WTIP: variants seen among roughly 807,000 people sequenced by gnomAD.
The protein encoded by WTIP is WT1 interacting protein.
In WTIP, 23 loss-of-function variants were observed where a neutral mutation model predicts 41.7. The observed-to-expected ratio is 0.55, with a 90% CI of 0.40 to 0.78. WTIP has a LOEUF of 0.78. Among genes scored for constraint, WTIP ranks in the 30% least tolerant of loss-of-function variants. The probability of loss-of-function intolerance (pLI) is 0.00; values close to 1 mark genes in which losing one functional copy is unlikely to be tolerated. For synonymous variants in WTIP, 314 were observed against 269.9 expected (o/e 1.16, Z -1.60); for missense variants, 619 against 610.5 (o/e 1.01, Z -0.15).
rs537421582 is a variant in WTIP at position 34,501,641 on chromosome 19, G to A, written c.*1372G>A. 6.6e-6 allele frequency: 1 copy of A among 152,452 alleles called. No homozygotes were observed. Among genetic ancestry groups the A allele is most frequent in the East Asian group, 1.9e-4 (1 of 5,192 alleles). 9.4% of individuals were successfully genotyped at this position (152,452 alleles called of 1,614,324 possible). ...GGGCTAGGCTCCGGGAACCAGCAGGGCTGTCCAGGCCGAGCCCAAGGGAAC... is the reference window on the plus strand; with the variant it reads ...GGGCTAGGCTCCGGGAACCAGCAGGACTGTCCAGGCCGAGCCCAAGGGAAC... On this transcript the variant is annotated 3_prime_UTR_variant, in exon 8 of 8. Transcript: ENST00000590071.
rs773284163 is a variant in WTIP at position 34,482,552 on chromosome 19, G to A, written c.578G>A (p.Gly193Asp). 4 of 1,228,386 alleles carry A rather than the reference G, an allele frequency of 3.3e-6. No homozygotes were observed. The African/African-American group carries it at 6.3e-5, about 19-fold the overall frequency. 76.1% of individuals were successfully genotyped at this position (1,228,386 alleles called of 1,614,324 possible). ...CTCCCGCTGCCCCCTGGCCGGGAGG[G>A]CGGCCCAAGCGCGGCCGAGCGGCGG... Reference protein sequence around the residue: ...PALPLPPGREGGPSAAERRLE... With the variant: ...PALPLPPGREDGPSAAERRLE... Residue 193 changes from glycine to aspartate, a missense_variant, in exon 1 of 8, where the codon GGC becomes GAC. Physicochemically the swap from Gly to Asp is moderately conservative, Grantham distance 94 (BLOSUM62 -1). Coordinates refer to ENST00000590071, the MANE Select transcript of WTIP (RefSeq NM_001080436.2).
rs2075910915 is a variant in WTIP at position 34,506,262 on chromosome 19, C to T, written c.*5993C>T. 6.6e-6 allele frequency: 1 copy of T among 152,160 alleles called. No individual in the cohort carries two copies. Among genetic ancestry groups the T allele is most frequent in the South Asian group, 2.1e-4 (1 of 4,826 alleles). The allele number at this position is 152,160 out of a possible 1,614,324, so 9.4% of individuals were successfully genotyped here. A position where few individuals can be genotyped will look rare whatever the true frequency, so the allele number is the denominator to read the frequency against. ...ATGGGAAGCTCTGTCCCTGAACAGC[C>T]CTTGTGACTATGGGGCTGTCCTTCC... is the stretch of plus-strand genomic sequence containing the variant. On this transcript the variant is annotated 3_prime_UTR_variant, in exon 8 of 8. Transcript: ENST00000590071.
chr19:34,485,904 T>TC (rs1387813191), intron 1 of WTIP, among the ~76,000 whole-genome samples: 12 of 152,124 alleles, frequency 7.9e-5, no homozygotes, highest in African/African-American at 2.9e-4. Context: ...GAGCTTTTTT[T>TC]CTCTCTGTCC....
intron 7 of WTIP, among the ~76,000 whole-genome samples, chr19:34,497,927 C>T (rs999807236): frequency 2.6e-5 from 4 of 152,206 alleles, no homozygotes; most frequent in African/African-American, 9.7e-5. Flanking sequence ...AAAAGGTTGA[C>T]GCTGAGAGTG....
At position 34,500,247 on chromosome 19, in the gene WTIP, C is replaced by G; in HGVS notation, c.1271C>G (p.Thr424Ser). 6.2e-7 allele frequency: 1 copy of G among 1,608,498 alleles called. No homozygotes were observed. Among genetic ancestry groups the G allele is most frequent in the South Asian group, 1.1e-5 (1 of 90,624 alleles). ...RLQPGPLPSPTVHVTEL is the reference protein window; with the variant it reads ...RLQPGPLPSPSVHVTEL ...CAACCTGGGCCTCTTCCCTCACCCACTGTGCACGTCACTGAGCTCTGAGCA... is the reference window on the plus strand; with the variant it reads ...CAACCTGGGCCTCTTCCCTCACCCAGTGTGCACGTCACTGAGCTCTGAGCA... The change falls in exon 8 of 8, where the codon ACT becomes AGT. Residue 424 changes from threonine to serine, a missense_variant. Thr to Ser is a moderately conservative substitution (Grantham distance 58). This residue lies in a region of WTIP where 92 missense variants were observed against 82.4 expected (regional missense o/e 1.12). Transcript: ENST00000590071.
rs2075908007 is a variant in WTIP, at chr19:34,505,604, CT to C, written c.*5336del. The stretch of plus-strand genomic sequence containing the variant: ...CACCCAGCGCACACTCCTCTCCACG[CT>C]GCGCACGTGAACCCGCCCGGGTCAC... On this transcript the variant is annotated 3_prime_UTR_variant, in exon 8 of 8. Transcript: ENST00000590071. 1 of 152,578 alleles carries C rather than the reference CT, an allele frequency of 6.6e-6. No homozygotes were observed. Among genetic ancestry groups the C allele is most frequent in the East Asian group, 1.9e-4 (1 of 5,184 alleles). 9.5% of individuals were successfully genotyped at this position (152,578 alleles called of 1,614,324 possible). A position where few individuals can be genotyped will look rare whatever the true frequency, so the allele number is the denominator to read the frequency against.
At chr19:34,500,042 C>T in intron 7 of WTIP, 87 bp from the exon 8 acceptor site, 2 of 1,530,836 alleles carry the variant, frequency 1.3e-6, no homozygotes, top group Non-Finnish European at 1.8e-6. Flanking sequence ...GCAGATCTGC[C>T]CCTCCCCTCC....
chr19:34,482,196 G>A lies in WTIP; in HGVS notation c.222G>A (p.Arg74=). 9.0e-7 allele frequency: 1 copy of A among 1,112,092 alleles called. No homozygotes were observed. The highest frequency in any genetic ancestry group is 1.1e-6 in the Non-Finnish European group (1 of 913,928). The allele number at this position is 1,112,092 out of a possible 1,614,324, so 68.9% of individuals were successfully genotyped here. A position where few individuals can be genotyped will look rare whatever the true frequency, so the allele number is the denominator to read the frequency against. The change falls in exon 1 of 8, where the codon CGG becomes CGA. Residue 74 remains arginine, a synonymous_variant. Coordinates refer to ENST00000590071, the MANE Select transcript of WTIP (RefSeq NM_001080436.2). ...DGLSRGERGP[R]RAAVPELSAQ... is the part of the protein sequence containing the mutation. The stretch of plus-strand genomic sequence containing the variant: ...TGAGCCGCGGGGAGCGGGGTCCCCG[G>A]CGCGCGGCGGTTCCGGAGCTCAGCG...
At position 34,482,158 on chromosome 19, in the gene WTIP, G is replaced by C; in HGVS notation, c.184G>C (p.Gly62Arg). Reference sequence around the variant, plus strand: ...GAAGGGCAGCGGCGGCCCCGAGGCCGGGGCGGACGGACTGAGCCGCGGGGA... The same window carrying C: ...GAAGGGCAGCGGCGGCCCCGAGGCCCGGGCGGACGGACTGAGCCGCGGGGA... Reference protein sequence around the residue: ...RGKGSGGPEAGADGLSRGERG... With the variant: ...RGKGSGGPEARADGLSRGERG... Residue 62 changes from glycine (G) to arginine (R), a missense_variant, in exon 1 of 8, where the codon GGG becomes CGG. Coordinates refer to ENST00000590071, the MANE Select transcript of WTIP (RefSeq NM_001080436.2). 1.9e-6 allele frequency: 2 copies of C among 1,074,756 alleles called. No homozygotes were observed. The highest frequency in any genetic ancestry group is 2.2e-6 in the Non-Finnish European group (2 of 889,506). 66.6% of individuals were successfully genotyped at this position (1,074,756 alleles called of 1,614,324 possible). A position where few individuals can be genotyped will look rare whatever the true frequency, so the allele number is the denominator to read the frequency against.
Position 34,500,226 on chromosome 19 carries a change from C to T in WTIP, c.1250C>T (p.Pro417Leu). 1 of 1,608,128 alleles carries T rather than the reference C, an allele frequency of 6.2e-7. No homozygotes were observed. The highest frequency in any genetic ancestry group is 8.5e-7 in the Non-Finnish European group (1 of 1,179,506). ...CRRCHLRRLQ[P>L]GPLPSPTVHV... ...CGTTGCCACCTGCGGCGCCTCCAACCTGGGCCTCTTCCCTCACCCACTGTG... is the reference window on the plus strand; with the variant it reads ...CGTTGCCACCTGCGGCGCCTCCAACTTGGGCCTCTTCCCTCACCCACTGTG... Residue 417 changes from proline to leucine, a missense_variant, in exon 8 of 8, where the codon CCT becomes CTT. By Grantham distance (98) the Pro-to-Leu change is moderately conservative. This residue lies in a region of WTIP where 92 missense variants were observed against 82.4 expected (regional missense o/e 1.12). Transcript: ENST00000590071.
In WTIP at chr19:34,505,990, G is replaced by A. The variant is rs1462404993; in HGVS notation, c.*5721G>A. 6.6e-6 allele frequency: 1 copy of A among 152,282 alleles called. No homozygotes were observed. The highest frequency in any genetic ancestry group is 2.4e-5 in the African/African-American group (1 of 41,448). The allele number at this position is 152,282 out of a possible 1,614,324, so 9.4% of individuals were successfully genotyped here. On this transcript the variant is annotated 3_prime_UTR_variant, in exon 8 of 8. Coordinates refer to ENST00000590071, the MANE Select transcript of WTIP (RefSeq NM_001080436.2). ...ACCTTCCTGAGCTGCGTGGATCTCA[G>A]CCAGGACTTCTCGTCCCTGAGAACA...
chr19:34,493,313 C>T lies in WTIP; in HGVS notation c.888C>T (p.Leu296=). ...ACAAATGCAGCGTGTGTGGACATCT[C>T]ATCATGGAAATGGTGAGCCCCTGCC... The part of the protein sequence containing the change: ...TADKCSVCGH[L]IMEMILQALG... The change falls in exon 4 of 8, where the codon CTC becomes CTT. Residue 296 remains leucine, a synonymous_variant. Coordinates refer to ENST00000590071, the MANE Select transcript of WTIP (RefSeq NM_001080436.2). The surrounding 1 kb of genome is among the most constrained non-coding windows in gnomAD (Gnocchi z 4.1). The T allele has an allele frequency of 6.2e-7, 1 of 1,613,108 alleles. No homozygotes were observed. The highest frequency in any genetic ancestry group is 8.5e-7 in the Non-Finnish European group (1 of 1,179,636).
chr19:34,490,844 C>CA (rs2075822030), intron 2 of WTIP, among the ~76,000 whole-genome samples: 1 of 152,194 alleles, frequency 6.6e-6, no homozygotes, highest in South Asian at 2.1e-4. Context: ...GTTGTTGAGA[C>CA]AGAGTCTTAA....
At position 34,482,425 on chromosome 19, in the gene WTIP, G is replaced by T; in HGVS notation, c.451G>T (p.Gly151Cys). The T allele has an allele frequency of 5.9e-6, 8 of 1,346,258 alleles. No homozygotes were observed. The highest frequency in any genetic ancestry group is 7.6e-6 in the Non-Finnish European group (8 of 1,047,888). The allele number at this position is 1,346,258 out of a possible 1,614,324, so 83.4% of individuals were successfully genotyped here. Residue 151 changes from glycine to cysteine, a missense_variant, in exon 1 of 8, where the codon GGC (glycine) becomes TGC (cysteine). This residue lies in a region of WTIP where 363 missense variants were observed against 309.0 expected (regional missense o/e 1.17). Transcript: ENST00000590071. Reference protein sequence around the residue: ...RSSVSSLGSRGSAGAYADFLP... With the variant: ...RSSVSSLGSRCSAGAYADFLP... Reference sequence around the variant, plus strand: ...CAGCGTTTCCAGCCTCGGCTCCCGGGGCTCGGCCGGCGCCTACGCTGACTT... The same window carrying T: ...CAGCGTTTCCAGCCTCGGCTCCCGGTGCTCGGCCGGCGCCTACGCTGACTT...
intron 1 of WTIP, among the ~76,000 whole-genome samples, chr19:34,488,649 G>T (rs1230936514): frequency 6.6e-6 from 1 of 151,880 alleles, no homozygotes. Context: ...TTACAGGCAT[G>T]AGCCACTGCA....
In WTIP at chr19:34,489,323, G is replaced by A. The variant is rs905514714; in HGVS notation, c.668-1053G>A. Among the ~76,000 whole-genome samples the A allele has an allele frequency of 5.3e-5, 8 of 152,256 alleles. No homozygotes were observed. The South Asian group carries it at 1.7e-3, about 32-fold the overall frequency. The stretch of plus-strand genomic sequence containing the variant: ...GCAAGCTTCTTGAAGGTGGGGACCT[G>A]GGTGCATTGCAGACTGAGTGGTGCC... On this transcript the variant is annotated intron_variant, in intron 1 of 7. Coordinates refer to ENST00000590071, the MANE Select transcript of WTIP (RefSeq NM_001080436.2).
Position 34,490,553 on chromosome 19 carries a change from G to T in WTIP, c.769+76G>T, listed in dbSNP as rs905257726. 33 of 1,429,798 alleles carry T rather than the reference G, an allele frequency of 2.3e-5. 1 individual carries two copies. The South Asian group carries it at 3.8e-4, about 16-fold the overall frequency. 88.6% of individuals were successfully genotyped at this position (1,429,798 alleles called of 1,614,324 possible). On this transcript the variant is annotated intron_variant, in intron 2 of 7. Transcript: ENST00000590071. Reference sequence around the variant, plus strand: ...ATCCCCATTCCCCTCAAACTGCCTTGCCCCTGAGTCCAGGCAGATGGACCA... The same window carrying T: ...ATCCCCATTCCCCTCAAACTGCCTTTCCCCTGAGTCCAGGCAGATGGACCA...
At chr19:34,495,447 C>A (rs2075847842) in intron 6 of WTIP, among the ~76,000 whole-genome samples, 1 of 152,072 alleles carries the variant, frequency 6.6e-6, no homozygotes, top group Non-Finnish European at 1.5e-5. Flanking sequence ...CATCCATTGA[C>A]AAACACGTGA....
In WTIP at chr19:34,482,424, G is replaced by C; in HGVS notation, c.450G>C (p.Arg150=). The change falls in exon 1 of 8, where the codon CGG becomes CGC. Residue 150 remains arginine, a synonymous_variant. Coordinates refer to ENST00000590071, the MANE Select transcript of WTIP (RefSeq NM_001080436.2). ...CCAGCGTTTCCAGCCTCGGCTCCCG[G>C]GGCTCGGCCGGCGCCTACGCTGACT... The part of the protein sequence containing the change: ...ARSSVSSLGS[R]GSAGAYADFL... 1 of 1,347,068 alleles carries C rather than the reference G, an allele frequency of 7.4e-7. No individual in the cohort carries two copies. Among genetic ancestry groups the C allele is most frequent in the Non-Finnish European group, 9.5e-7 (1 of 1,048,222 alleles). 83.4% of individuals were successfully genotyped at this position (1,347,068 alleles called of 1,614,324 possible).
Sources: gnomAD v4.1 joint callset for allele counts (sites outside exome capture counted in the v4.1 genomes callset) on GRCh38, gnomAD v4.1.1 for gene constraint, gnomAD v4.1.1 regional missense constraint, Gnocchi (gnomAD v3.1) non-coding constraint, MANE v1.5 for transcripts, NCBI Gene and HGNC (gene_info 2026-07-23, HGNC 2026-07-21) for gene names.